REV1: variants seen among roughly 807,000 people sequenced by gnomAD.
The protein encoded by REV1 is translesion synthesis protein REV1.
Under a neutral mutation model 137.4 loss-of-function variants are expected in REV1, and 42 were observed. The ratio of observed to expected loss-of-function variants is 0.31; its 90% confidence interval spans 0.24 to 0.40. The LOEUF is 0.40. REV1 is among the 10% of genes least tolerant of loss of function. The probability of loss-of-function intolerance (pLI) is 1.00; values close to 1 mark genes in which losing one functional copy is unlikely to be tolerated. For synonymous variants in REV1, 524 were observed against 519.2 expected, an observed-to-expected ratio of 1.01 and a Z score of -0.12; for missense variants, 1,282 against 1,490.1, an observed-to-expected ratio of 0.86 and a Z score of 2.30.
In REV1 at chr2:99,400,977, T is replaced by TAAAC. The variant is rs1675297921; in HGVS notation, c.*260_*263dup. 2 of 252,572 alleles carry TAAAC rather than the reference T, an allele frequency of 7.9e-6. No individual in the cohort carries two copies. Among genetic ancestry groups the TAAAC allele is most frequent in the East Asian group, 8.0e-5 (1 of 12,544 alleles). 15.6% of individuals were successfully genotyped at this position (252,572 alleles called of 1,614,324 possible). On this transcript the variant is annotated 3_prime_UTR_variant, in exon 23 of 23. Coordinates refer to ENST00000258428, the MANE Select transcript of REV1 (RefSeq NM_016316.4). ...CATACAGTTCTTTATTAAACAACTGTAAACACTTCACTGTAAAAATCCATA... is the reference window on the plus strand; with the variant it reads ...CATACAGTTCTTTATTAAACAACTGTAAACAAACACTTCACTGTAAAAATCCATA...
chr2:99,430,724 G>GC (rs1350775975), intron 8 of REV1, among the ~76,000 whole-genome samples: 7 of 152,114 alleles, frequency 4.6e-5, no homozygotes, highest in Admixed American at 4.6e-4. Context: ...ACTCTGGAGA[G>GC]CCTACTGGCT....
intron 7 of REV1, among the ~76,000 whole-genome samples, chr2:99,434,828 A>C (rs1014637179): frequency 2.9e-5 from 4 of 137,432 alleles, no homozygotes; most frequent in African/African-American, 1.1e-4. Context: ...TCTAGAGTTA[A>C]CATCTATACT....
At chr2:99,456,692 T>C (rs961613725) in intron 3 of REV1, among the ~76,000 whole-genome samples, 1 of 152,252 alleles carries the variant, frequency 6.6e-6, no homozygotes, top group Non-Finnish European at 1.5e-5. Context: ...TAAATGTTTC[T>C]AGCAATAATG....
chr2:99,460,479 G>A (rs1684059547), intron 3 of REV1, among the ~76,000 whole-genome samples: 1 of 152,096 alleles, frequency 6.6e-6, no homozygotes. Flanking sequence ...TATATATATA[G>A]GCATTTTACA....
intron 7 of REV1, chr2:99,435,631 T>C (rs1680645559): frequency 1.6e-5 from 6 of 378,190 alleles, no homozygotes; most frequent in Non-Finnish European, 2.3e-5. Flanking sequence ...TGAAGATGAA[T>C]ATTCTTCCCT....
At chr2:99,417,114 C>T (rs1413545476) in intron 12 of REV1, among the ~76,000 whole-genome samples, 1 of 151,950 alleles carries the variant, frequency 6.6e-6, no homozygotes, top group Non-Finnish European at 1.5e-5. Flanking sequence ...GTCCTGACCC[C>T]AGTACTTCAC....
At chr2:99,431,761 G>C in intron 8 of REV1, 7 of 985,550 alleles carry the variant, frequency 7.1e-6, no homozygotes, top group Non-Finnish European at 8.4e-6. Context: ...GTGCAGCAGA[G>C]TGCGTGGGTC....
intron 12 of REV1, among the ~76,000 whole-genome samples, chr2:99,416,677 A>G (rs1677906702): frequency 6.6e-6 from 1 of 152,154 alleles, no homozygotes; most frequent in Admixed American, 6.5e-5. Context: ...CTATAATCCC[A>G]GCACTTTGGG....
chr2:99,458,025 C>T (rs60257640), intron 3 of REV1, among the ~76,000 whole-genome samples: 65,831 of 151,686 alleles, frequency 0.43, 14,517 homozygotes, highest in Admixed American at 0.58. Context: ...TAGAAGAAAA[C>T]ATTTGGGATC....
chr2:99,462,052 G>A (rs562573715), intron 3 of REV1, among the ~76,000 whole-genome samples: 4 of 152,208 alleles, frequency 2.6e-5, no homozygotes, highest in East Asian at 1.9e-4. Flanking sequence ...CCTGCTTGGC[G>A]ACCCAAATGC....
intron 3 of REV1, chr2:99,451,516 A>C: frequency 7.7e-7 from 1 of 1,298,570 alleles, no homozygotes; most frequent in Non-Finnish European, 1.0e-6. Context: ...TTAAAAGGCA[A>C]GATCACATAA....
chr2:99,465,223 T>A (rs1031908046), intron 1 of REV1, among the ~76,000 whole-genome samples: 1 of 152,220 alleles, frequency 6.6e-6, no homozygotes, highest in Non-Finnish European at 1.5e-5. Context: ...TAAAATTCAA[T>A]AGAAAAATAT....
chr2:99,419,205 ATTTT>A (rs774732084), intron 11 of REV1, among the ~76,000 whole-genome samples: 164 of 115,986 alleles, frequency 1.4e-3, no homozygotes, highest in South Asian at 3.0e-3. Flanking sequence ...AGCAGTCCTG[ATTTT>A]TTTTTTTTTT....
At chr2:99,485,717 C>T (rs1238494819) in intron 1 of REV1, among the ~76,000 whole-genome samples, 1 of 152,198 alleles carries the variant, frequency 6.6e-6, no homozygotes, top group Non-Finnish European at 1.5e-5. Flanking sequence ...CCATTCTCAA[C>T]AGTTTATTTT....
chr2:99,481,560 A>G (rs939193270), intron 1 of REV1, among the ~76,000 whole-genome samples: 1 of 152,178 alleles, frequency 6.6e-6, no homozygotes, highest in Non-Finnish European at 1.5e-5. Context: ...TTTAGCCAGC[A>G]TTGTGTAATA....
chr2:99,410,851 G>T lies in REV1; in HGVS notation c.2189C>A (p.Ala730Asp). 6.3e-7 allele frequency: 1 copy of T among 1,586,568 alleles called. No individual in the cohort carries two copies. The highest frequency in any genetic ancestry group is 8.5e-7 in the Non-Finnish European group (1 of 1,172,920). The change falls in exon 14 of 23, where the codon GCT (alanine) becomes GAT (aspartate). Residue 730 changes from alanine to aspartate, a missense_variant. By Grantham distance (126) the Ala-to-Asp change is moderately radical (BLOSUM62 -2). Around this residue, in one of 7 missense-constraint regions of REV1, gnomAD observed 372 missense variants for 482.3 expected, o/e 0.77. Coordinates refer to ENST00000258428, the MANE Select transcript of REV1 (RefSeq NM_016316.4). ...IRFTQPKEAE[A>D]FLLSLSEEIQ... The stretch of plus-strand genomic sequence containing the variant: ...TTCTTCTGAAAGACTCAGAAGAAAA[G>T]CTTCTGCCTCTTTTGGCTATGGAAA...
chr2:99,442,555 A>G, intron 4 of REV1, 86 bp from the exon 5 acceptor site: 1 of 1,250,700 alleles, frequency 8.0e-7, no homozygotes, highest in Non-Finnish European at 1.1e-6. Context: ...TTAAAGATAC[A>G]GTATTTCACC....
intron 4 of REV1, among the ~76,000 whole-genome samples, 195 bp from the exon 5 acceptor site, chr2:99,442,664 G>C (rs112711733): frequency 6.6e-6 from 1 of 152,096 alleles, no homozygotes; most frequent in Non-Finnish European, 1.5e-5. Flanking sequence ...TGCAAGCACA[G>C]AGCTGAACTA....
At chr2:99,440,263 G>A (rs1681309368) in intron 5 of REV1, among the ~76,000 whole-genome samples, 1 of 152,156 alleles carries the variant, frequency 6.6e-6, no homozygotes, top group South Asian at 2.1e-4. Flanking sequence ...GAATTACAAA[G>A]CAGTAATTCA....
Sources: allele counts gnomAD v4.1 joint callset (sites outside exome capture counted in the v4.1 genomes callset), GRCh38; gene constraint gnomAD v4.1.1; regional missense constraint gnomAD v4.1.1; transcripts MANE v1.5; gene names NCBI Gene and HGNC (gene_info 2026-07-23, HGNC 2026-07-21).